The following TMEM132D variants were observed in gnomAD, a reference collection of about 807,000 sequenced individuals.
TMEM132D encodes transmembrane protein 132D, also known as mature OL transmembrane protein.
Under a neutral mutation model 62.3 loss-of-function variants are expected in TMEM132D, and 21 were observed. That is an observed-to-expected ratio of 0.34 (90% CI 0.24 to 0.49). TMEM132D has a LOEUF of 0.49. Among genes scored for constraint, TMEM132D ranks in the 20% least tolerant of loss-of-function variants. TMEM132D has a pLI of 0.99. For synonymous variants in TMEM132D, 621 were observed against 575.6 expected (o/e 1.08, Z -1.13); for missense variants, 1,346 against 1,402.8 (o/e 0.96, Z 0.65).
chr12:129,099,008 A>G (rs1875203173), intron 5 of TMEM132D, among the ~76,000 whole-genome samples: 1 of 152,132 alleles, frequency 6.6e-6, no homozygotes, highest in South Asian at 2.1e-4. Flanking sequence ...GCCTTCTCTG[A>G]GTTTTTATCC....
At chr12:129,443,069 G>T (rs1257960289) in intron 3 of TMEM132D, among the ~76,000 whole-genome samples, 3 of 152,150 alleles carry the variant, frequency 2.0e-5, no homozygotes, top group African/African-American at 7.2e-5. Flanking sequence ...TGAAGGGCCA[G>T]CCCACTCCAG....
At chr12:129,320,726 T>C (rs367593663) in intron 4 of TMEM132D, among the ~76,000 whole-genome samples, 15 of 152,290 alleles carry the variant, frequency 9.8e-5, no homozygotes, top group Admixed American at 5.9e-4. Flanking sequence ...TTAAGAGTAG[T>C]TGAAACATTT....
At chr12:129,900,949 GGTTT>G (rs1263849550) in intron 1 of TMEM132D, among the ~76,000 whole-genome samples, 1 of 152,140 alleles carries the variant, frequency 6.6e-6, no homozygotes, top group African/African-American at 2.4e-5. Context: ...CAAGAGGGTG[GGTTT>G]GTTCTATAAC....
intron 3 of TMEM132D, among the ~76,000 whole-genome samples, chr12:129,360,542 G>A (rs1352761795): frequency 6.6e-6 from 1 of 152,162 alleles, no homozygotes; most frequent in African/African-American, 2.4e-5. Context: ...TTTTCACAAT[G>A]GGATAGTGGG....
intron 5 of TMEM132D, among the ~76,000 whole-genome samples, chr12:129,198,012 G>C (rs564540526): frequency 6.6e-6 from 1 of 152,108 alleles, no homozygotes; most frequent in Non-Finnish European, 1.5e-5. Flanking sequence ...GCTACAAATA[G>C]TCAATAGATA....
At chr12:129,478,742 T>C (rs1007072216) in intron 3 of TMEM132D, among the ~76,000 whole-genome samples, 7 of 152,184 alleles carry the variant, frequency 4.6e-5, no homozygotes, top group African/African-American at 1.7e-4. Flanking sequence ...GAATGTGCTC[T>C]GATCCCCTCC....
At chr12:129,333,793 G>A (rs1964565) in intron 4 of TMEM132D, among the ~76,000 whole-genome samples, 43,189 of 152,034 alleles carry the variant, frequency 0.28, 6,870 homozygotes, top group Non-Finnish European at 0.35. Flanking sequence ...GGGATGGAGA[G>A]GAGCACACTC....
At chr12:129,087,999 G>GTGTCCTCTATGACCGGGA (rs1874698698) in intron 5 of TMEM132D, among the ~76,000 whole-genome samples, 1 of 80,070 alleles carries the variant, frequency 1.2e-5, no homozygotes, top group African/African-American at 4.4e-5. Context: ...CATGACCGGG[G>GTGTCCTCTATGACCGGGA]TGTCCTCCAT....
At chr12:129,426,246 C>T (rs1367980884) in intron 3 of TMEM132D, among the ~76,000 whole-genome samples, 2 of 152,102 alleles carry the variant, frequency 1.3e-5, no homozygotes, top group Non-Finnish European at 2.9e-5. Flanking sequence ...CATCTCCCTC[C>T]CCCTGCCAAT....
At chr12:129,268,953 G>A (rs2135599631) in intron 4 of TMEM132D, among the ~76,000 whole-genome samples, 1 of 149,146 alleles carries the variant, frequency 6.7e-6, no homozygotes, top group Middle Eastern at 3.4e-3. Flanking sequence ...CTCACTCATA[G>A]GTGGGAATTG....
chr12:129,672,828 A>C (rs1593114563), intron 2 of TMEM132D, among the ~76,000 whole-genome samples: 1 of 152,180 alleles, frequency 6.6e-6, no homozygotes, highest in Admixed American at 6.5e-5. Flanking sequence ...GCTCACTGCA[A>C]CCTCTGCCTC....
intron 2 of TMEM132D, among the ~76,000 whole-genome samples, chr12:129,563,018 C>T (rs555242606): frequency 1.3e-5 from 2 of 152,286 alleles, no homozygotes; most frequent in South Asian, 2.1e-4. Context: ...AAACAGCAAG[C>T]GCCTTTATCT....
intron 3 of TMEM132D, among the ~76,000 whole-genome samples, chr12:129,433,071 T>C (rs750497492): frequency 6.6e-6 from 1 of 152,242 alleles, no homozygotes; most frequent in Non-Finnish European, 1.5e-5. Flanking sequence ...ATGATGTCTC[T>C]GAGGCTCATC....
intron 2 of TMEM132D, among the ~76,000 whole-genome samples, chr12:129,674,703 C>T (rs565833094): frequency 6.6e-6 from 1 of 152,238 alleles, no homozygotes; most frequent in African/African-American, 2.4e-5. Context: ...CCACACCTGG[C>T]TAATTTTTTG....
chr12:129,699,274 G>A (rs1006842331), intron 2 of TMEM132D, among the ~76,000 whole-genome samples: 5 of 151,978 alleles, frequency 3.3e-5, no homozygotes, highest in African/African-American at 1.2e-4. Context: ...TTCTTCACAC[G>A]TTATGCTCAT....
rs1043071742 is a variant in TMEM132D, at chr12:129,313,219, CAT to C, written c.1299+24413_1299+24414del. On this transcript the variant is annotated intron_variant, in intron 4 of 8. Coordinates refer to ENST00000422113, the MANE Select transcript of TMEM132D (RefSeq NM_133448.3). ...TTTGGGTACATGGGGTATTTGGTTA[CAT>C]GAGTTAGTTCTTTGGTGGCGATTTG... Among the ~76,000 whole-genome samples, 6 of 152,266 alleles carry C rather than the reference CAT, an allele frequency of 3.9e-5. No individual in the cohort carries two copies. The South Asian group carries it at 1.2e-3, about 32-fold the overall frequency.
At chr12:129,566,724 A>C (rs1877378008) in intron 2 of TMEM132D, among the ~76,000 whole-genome samples, 1 of 152,214 alleles carries the variant, frequency 6.6e-6, no homozygotes, top group African/African-American at 2.4e-5. Flanking sequence ...TGAGGAGAGA[A>C]TTAACTAAGA....
At chr12:129,496,439 C>A (rs1369234063) in intron 3 of TMEM132D, among the ~76,000 whole-genome samples, 1 of 152,014 alleles carries the variant, frequency 6.6e-6, no homozygotes, top group African/African-American at 2.4e-5. Flanking sequence ...CAGCTGCGAC[C>A]CCCTGATGTC....
chr12:129,424,241 G>A (rs544800525), intron 3 of TMEM132D, among the ~76,000 whole-genome samples: 17 of 151,594 alleles, frequency 1.1e-4, no homozygotes, highest in East Asian at 7.7e-4. Context: ...TCGCATGAGC[G>A]GGAAGCATAG....
Sources: gnomAD v4.1 joint callset for allele counts (sites outside exome capture counted in the v4.1 genomes callset) on GRCh38, gnomAD v4.1.1 for gene constraint, MANE v1.5 for transcripts, NCBI Gene and HGNC (gene_info 2026-07-23, HGNC 2026-07-21) for gene names.